The following SLC6A8 variants were observed in gnomAD, a reference collection of about 807,000 sequenced individuals.
SLC6A8 encodes the protein sodium- and chloride-dependent creatine transporter 1.
A neutral mutation model predicts 48.3 loss-of-function variants in SLC6A8; 6 were observed. That is an observed-to-expected ratio of 0.12 (90% CI 0.07 to 0.25). The LOEUF is 0.25. Ranked by LOEUF, SLC6A8 falls within the 10% of genes least tolerant of loss-of-function variation. The probability of loss-of-function intolerance (pLI) is 1.00; values close to 1 mark genes in which losing one functional copy is unlikely to be tolerated. For missense variants in SLC6A8, 260 were observed against 551.5 expected, an observed-to-expected ratio of 0.47 and a Z score of 5.29; for synonymous variants, 245 against 244.0, an observed-to-expected ratio of 1.00 and a Z score of -0.04.
chrX:153,691,154 A>AG (rs2091454044), intron 2 of SLC6A8, 150 bp from the exon 3 acceptor site: 4 of 621,885 alleles, frequency 6.4e-6, no homozygotes, highest in Non-Finnish European at 1.0e-5. Context: ...GGCTCACACA[A>AG]GGGGGAGCCC....
rs1372682874 is a variant in SLC6A8, at chrX:153,695,523, C to T, written c.*309C>T. 6 of 332,963 alleles carry T rather than the reference C, an allele frequency of 1.8e-5. No individual in the cohort carries two copies. Among genetic ancestry groups the T allele is most frequent in the Non-Finnish European group, 3.2e-5 (6 of 186,982 alleles). The allele number at this position is 332,963 out of a possible 1,213,427, so 27.4% of individuals were successfully genotyped here. On this transcript the variant is annotated 3_prime_UTR_variant, in exon 13 of 13. Transcript: ENST00000253122. The stretch of plus-strand genomic sequence containing the variant: ...ACTCCTCCTGCCCCTGCCACGCCCA[C>T]CCCCTGCCCACCTCTCCAGGCTCTG...
Position 153,694,284 on chromosome X carries a change from G to A in SLC6A8, c.1392+17G>A, listed in dbSNP as rs782120123. The A allele has an allele frequency of 3.4e-5, 41 of 1,208,908 alleles. No homozygotes were observed. The South Asian group carries it at 5.3e-4, about 16-fold the overall frequency. On this transcript the variant is annotated intron_variant, in intron 9 of 12. Transcript: ENST00000253122. ...GTGACTGATGTGAGTGGGGTGGGGG[G>A]TCTGCCTGTGACCTCTGGTGGCCGT...
intron 1 of SLC6A8, among the ~76,000 whole-genome samples, 198 bp from the exon 2 acceptor site, chrX:153,690,177 G>A (rs2091447640): frequency 8.9e-6 from 1 of 112,786 alleles, no homozygotes; most frequent in Non-Finnish European, 1.9e-5. Flanking sequence ...CAATGGCTCA[G>A]GGGCTACTGT....
chrX:153,689,058 C>T, intron 1 of SLC6A8: 1 of 126,369 alleles, frequency 7.9e-6, no homozygotes, highest in Non-Finnish European at 1.6e-5. Context: ...AGGGGGCCGG[C>T]GATGCCCGCG....
chrX:153,691,762 C>G (rs1373994415), intron 3 of SLC6A8, among the ~76,000 whole-genome samples: 1 of 113,029 alleles, frequency 8.8e-6, no homozygotes, highest in African/African-American at 3.2e-5. Flanking sequence ...TCACTCCCCC[C>G]TGATGGGGGA....
In SLC6A8 at chrX:153,690,403, C is replaced by T. The variant is rs1557044172; in HGVS notation, c.291C>T (p.Ile97=). The part of the protein sequence containing the change: ...GGVFLIPYVL[I]ALVGGIPIFF... ...TGTTCCTTATTCCCTACGTCCTGAT[C>T]GCCCTGGTTGGAGGAATCCCCATTT... The change falls in exon 2 of 13, where the codon ATC becomes ATT. Residue 97 remains isoleucine (I), a synonymous_variant. Transcript: ENST00000253122. The T allele has an allele frequency of 2.5e-6, 3 of 1,199,119 alleles. No individual in the cohort carries two copies. Among genetic ancestry groups the T allele is most frequent in the Admixed American group, 4.5e-5 (2 of 44,696 alleles).
In SLC6A8 at chrX:153,688,674, G is replaced by A; in HGVS notation, c.100G>A (p.Gly34Ser). The part of the protein sequence containing the change: ...APGPDGAPAK[G>S]DGPVGLGTPG... ...CGGGCCCGACGGGGCCCCGGCCAAG[G>A]GCGACGGCCCCGTGGGCCTGGGGAC... Residue 34 changes from glycine (G) to serine (S), a missense_variant, in exon 1 of 13, where the codon GGC becomes AGC. By Grantham distance (56) the Gly-to-Ser change is moderately conservative. Around this residue, in one of 7 missense-constraint regions of SLC6A8, gnomAD observed 50 missense variants for 55.1 expected, o/e 0.91. Coordinates refer to ENST00000253122, the MANE Select transcript of SLC6A8 (RefSeq NM_005629.4). The A allele has an allele frequency of 5.5e-6, 6 of 1,090,430 alleles. No individual in the cohort carries two copies. The highest frequency in any genetic ancestry group is 4.8e-6 in the Non-Finnish European group (4 of 833,872). The allele number at this position is 1,090,430 out of a possible 1,213,427, so 89.9% of individuals were successfully genotyped here. A position where few individuals can be genotyped will look rare whatever the true frequency, so the allele number is the denominator to read the frequency against.
rs1557044940 is a variant in SLC6A8, at chrX:153,693,049, C to T, written c.786C>T (p.Tyr262=). The change falls in exon 5 of 13, where the codon TAC becomes TAT. Residue 262 remains tyrosine, a synonymous_variant. Transcript: ENST00000253122. ...KGVKSTGKIV[Y]FTATFPYVVL... is the part of the protein sequence containing the mutation. ...GCAGCCTGGCCCCCCAGATCGTGTA[C>T]TTCACTGCTACATTCCCCTACGTGG... 4.3e-5 allele frequency: 52 copies of T among 1,209,947 alleles called. No homozygotes were observed. Among genetic ancestry groups the T allele is most frequent in the Non-Finnish European group, 5.8e-5 (52 of 895,137 alleles).
Position 153,694,274 on chromosome X carries a change from G to C in SLC6A8, c.1392+7G>C, listed in dbSNP as rs1557045427. Reference sequence around the variant, plus strand: ...TCTCTCCATGGTGACTGATGTGAGTGGGGTGGGGGGTCTGCCTGTGACCTC... The same window carrying C: ...TCTCTCCATGGTGACTGATGTGAGTCGGGTGGGGGGTCTGCCTGTGACCTC... On this transcript the variant is annotated splice_region_variant and intron_variant, in intron 9 of 12. Transcript: ENST00000253122. 1 of 1,211,079 alleles carries C rather than the reference G, an allele frequency of 8.3e-7. No homozygotes were observed. Among genetic ancestry groups the C allele is most frequent in the Non-Finnish European group, 1.1e-6 (1 of 894,775 alleles).
At position 153,696,114 on chromosome X, in the gene SLC6A8, C is replaced by T. The variant is rs781783847; in HGVS notation, c.*900C>T. 42 of 202,157 alleles carry T rather than the reference C, an allele frequency of 2.1e-4. No homozygotes were observed. The highest frequency in any genetic ancestry group is 1.0e-3 in the African/African-American group (35 of 33,650). The allele number at this position is 202,157 out of a possible 1,213,427, so 16.7% of individuals were successfully genotyped here. A position where few individuals can be genotyped will look rare whatever the true frequency, so the allele number is the denominator to read the frequency against. ...GCAAAACAAAAGCTTCGAGCTGTTG[C>T]GTGTGTGAGTCTGTTGTGTGGATGT... On this transcript the variant is annotated 3_prime_UTR_variant, in exon 13 of 13. Transcript: ENST00000253122.
At position 153,693,925 on chromosome X, in the gene SLC6A8, G is replaced by A. The variant is rs374163604; in HGVS notation, c.1162G>A (p.Ala388Thr). 538 of 1,166,022 alleles carry A rather than the reference G, an allele frequency of 4.6e-4. 1 individual carries two copies. Among genetic ancestry groups the A allele is most frequent in the Non-Finnish European group, 5.5e-4 (482 of 872,105 alleles). Residue 388 changes from alanine (A) to threonine (T), a missense_variant, in exon 8 of 13, where the codon GCC becomes ACC. Transcript: ENST00000253122. The stretch of plus-strand genomic sequence containing the variant: ...CACAGGGCCGGGCCTGGCCTTCATC[G>A]CCTACCCGCGGGCTGTCACGCTGAT... ...AESGPGLAFI[A>T]YPRAVTLMPV...
rs2091493486 is a variant in SLC6A8 at position 153,696,527 on chromosome X, G to A, written c.*1313G>A. ...TGGGTGAGGGTGGCGGGCCTGCGGG[G>A]ACATTCTACTGTGCTAAAAAGCCAC... On this transcript the variant is annotated 3_prime_UTR_variant, in exon 13 of 13. Coordinates refer to ENST00000253122, the MANE Select transcript of SLC6A8 (RefSeq NM_005629.4). 4 of 325,371 alleles carry A rather than the reference G, an allele frequency of 1.2e-5. No homozygotes were observed. Among genetic ancestry groups the A allele is most frequent in the Admixed American group, 9.5e-5 (3 of 31,470 alleles). The allele number at this position is 325,371 out of a possible 1,213,427, so 26.8% of individuals were successfully genotyped here. A position where few individuals can be genotyped will look rare whatever the true frequency, so the allele number is the denominator to read the frequency against.
At position 153,695,076 on chromosome X, in the gene SLC6A8, C is replaced by T. The variant is rs2091482104; in HGVS notation, c.1770C>T (p.Arg590=). The part of the protein sequence containing the change: ...LLRAKGTMAE[R]WQHLTQPIWG... Reference sequence around the variant, plus strand: ...CAGCATGTCCTCCTCTCCTGCAGCGCTGGCAGCACCTGACCCAGCCCATCT... The same window carrying T: ...CAGCATGTCCTCCTCTCCTGCAGCGTTGGCAGCACCTGACCCAGCCCATCT... The change falls in exon 13 of 13, where the codon CGC becomes CGT. Residue 590 remains arginine (R), a splice_region_variant and synonymous_variant. Coordinates refer to ENST00000253122, the MANE Select transcript of SLC6A8 (RefSeq NM_005629.4). 2.5e-6 allele frequency: 3 copies of T among 1,202,085 alleles called. No individual in the cohort carries two copies. Among genetic ancestry groups the T allele is most frequent in the Non-Finnish European group, 3.4e-6 (3 of 890,483 alleles).
Position 153,693,449 on chromosome X carries a change from C to T in SLC6A8, c.1017-13C>T. 8.3e-7 allele frequency: 1 copy of T among 1,211,217 alleles called. No individual in the cohort carries two copies. The highest frequency in any genetic ancestry group is 1.1e-6 in the Non-Finnish European group (1 of 895,043). Reference sequence around the variant, plus strand: ...CAGCCTAACCCATCCACTCTGGCCCCTCCACCCCTCAGGGACGCCATCATC... The same window carrying T: ...CAGCCTAACCCATCCACTCTGGCCCTTCCACCCCTCAGGGACGCCATCATC... On this transcript the variant is annotated splice_polypyrimidine_tract_variant and intron_variant, in intron 6 of 12. Transcript: ENST00000253122.
chrX:153,691,219 C>T (rs2091454373), intron 2 of SLC6A8, 85 bp from the exon 3 acceptor site: 5 of 1,072,386 alleles, frequency 4.7e-6, no homozygotes, highest in South Asian at 4.0e-5. Flanking sequence ...GGTGGGAGCA[C>T]GGCCAGCCTG....
Position 153,695,084 on chromosome X carries a change from A to G in SLC6A8, c.1778A>G (p.His593Arg), listed in dbSNP as rs782560726. 61 of 1,202,153 alleles carry G rather than the reference A, an allele frequency of 5.1e-5. 3 individuals are homozygous for G. Among genetic ancestry groups the G allele is most frequent in the Admixed American group, 4.4e-4 (20 of 45,238 alleles). The change falls in exon 13 of 13, where the codon CAC becomes CGC. Residue 593 changes from histidine to arginine, a missense_variant. By Grantham distance (29) the His-to-Arg change is conservative. Coordinates refer to ENST00000253122, the MANE Select transcript of SLC6A8 (RefSeq NM_005629.4). ...CCTCCTCTCCTGCAGCGCTGGCAGC[A>G]CCTGACCCAGCCCATCTGGGGCCTC... ...AKGTMAERWQ[H>R]LTQPIWGLHH...
At chrX:153,692,949 C>T in intron 4 of SLC6A8, 92 bp from the exon 5 acceptor site, 1 of 1,084,781 alleles carries the variant, frequency 9.2e-7, no homozygotes, top group Non-Finnish European at 1.3e-6. Context: ...GACCTCTGAA[C>T]ATACCTGCCC....
rs1479462836 is a variant in SLC6A8 at position 153,691,406 on chromosome X, C to T, written c.497C>T (p.Thr166Met). ...FYYLVKSFTT[T>M]LPWATCGHTW... ...TACCTGGTCAAGTCCTTTACCACCA[C>T]GCTGCCCTGGGCCACATGTGGCCAC... is the stretch of plus-strand genomic sequence containing the variant. Residue 166 changes from threonine to methionine, a missense_variant, in exon 3 of 13, where the codon ACG becomes ATG. By Grantham distance (81) the Thr-to-Met change is moderately conservative (BLOSUM62 -1). Coordinates refer to ENST00000253122, the MANE Select transcript of SLC6A8 (RefSeq NM_005629.4). 28 of 1,211,038 alleles carry T rather than the reference C, an allele frequency of 2.3e-5. No individual in the cohort carries two copies. Among genetic ancestry groups the T allele is most frequent in the Middle Eastern group, 2.3e-4 (1 of 4,261 alleles).
At chrX:153,693,704 G>C (rs1191125093) in intron 7 of SLC6A8, 118 bp downstream of exon 7, 5 of 946,517 alleles carry the variant, frequency 5.3e-6, no homozygotes, top group Non-Finnish European at 7.5e-6. Flanking sequence ...GAACTTGTCA[G>C]ATTGTGGGCC....
Sources: gnomAD v4.1 joint callset for allele counts (sites outside exome capture counted in the v4.1 genomes callset) on GRCh38, gnomAD v4.1.1 for gene constraint, gnomAD v4.1.1 regional missense constraint, MANE v1.5 for transcripts, NCBI Gene and HGNC (gene_info 2026-07-23, HGNC 2026-07-21) for gene names.